The following PUS7 variants were observed in gnomAD, a reference collection of about 807,000 sequenced individuals.
The protein encoded by PUS7 is pseudouridine synthase 7, also known as pseudouridylate synthase 7 homolog.
PUS7 carries 48 observed loss-of-function variants against 79.8 expected under a neutral mutation model. That is an observed-to-expected ratio of 0.60 (90% CI 0.48 to 0.76). The LOEUF (loss-of-function observed/expected upper bound fraction) is 0.76. Ranked by LOEUF, PUS7 falls within the 30% of genes least tolerant of loss-of-function variation. The pLI is 0.00. For missense variants in PUS7, 729 were observed against 797.6 expected, an observed-to-expected ratio of 0.91 and a Z score of 1.04; for synonymous variants, 286 against 272.2, an observed-to-expected ratio of 1.05 and a Z score of -0.50.
intron 1 of PUS7, among the ~76,000 whole-genome samples, chr7:105,512,697 G>A (rs973486010): frequency 6.6e-6 from 1 of 152,204 alleles, no homozygotes; most frequent in African/African-American, 2.4e-5. Flanking sequence ...GAGGCTACAA[G>A]GAGGGAGTCA....
At chr7:105,500,113 C>T (rs922082698) in intron 5 of PUS7, among the ~76,000 whole-genome samples, 11 of 152,130 alleles carry the variant, frequency 7.2e-5, no homozygotes, top group Non-Finnish European at 1.6e-4. Flanking sequence ...GTCACAACAC[C>T]ACAAGCCCAA....
chr7:105,475,437 G>A (rs1475717884), intron 9 of PUS7, among the ~76,000 whole-genome samples: 1 of 151,838 alleles, frequency 6.6e-6, no homozygotes, highest in Non-Finnish European at 1.5e-5. Context: ...TGCCCCCCTT[G>A]GCCTCCTGGA....
At chr7:105,496,126 C>T (rs530242638) in intron 5 of PUS7, among the ~76,000 whole-genome samples, 1 of 149,850 alleles carries the variant, frequency 6.7e-6, no homozygotes, top group African/African-American at 2.5e-5. Flanking sequence ...CCATTGCATT[C>T]CAGCCTGGGC....
At chr7:105,485,941 T>C (rs568029150) in intron 7 of PUS7, among the ~76,000 whole-genome samples, 25 of 152,054 alleles carry the variant, frequency 1.6e-4, no homozygotes, top group Admixed American at 1.2e-3. Flanking sequence ...ACTACCGGCA[T>C]GCACCACCAT....
chr7:105,517,305 C>A (rs1468722434), intron 1 of PUS7, among the ~76,000 whole-genome samples: 1 of 152,068 alleles, frequency 6.6e-6, no homozygotes, highest in African/African-American at 2.4e-5. Context: ...TACATACAGG[C>A]ATGCGCCAAC....
At chr7:105,472,039 C>T (rs974657669) in intron 10 of PUS7, 93 bp downstream of exon 10, 28 of 737,024 alleles carry the variant, frequency 3.8e-5, no homozygotes, top group Non-Finnish European at 5.7e-5. Flanking sequence ...GAAACAACAA[C>T]GTCAATTTGC....
chr7:105,482,446 A>T lies in PUS7; in HGVS notation c.921-6T>A, dbSNP rs1249248352. The stretch of plus-strand genomic sequence containing the variant: ...CAAGTCTTTGTGCAGTTATTCTTTA[A>T]AAAAAAAAAAAAAAGCAACAAAACA... On this transcript the variant is annotated splice_region_variant and splice_polypyrimidine_tract_variant and intron_variant, in intron 7 of 15. Transcript: ENST00000469408. The T allele has an allele frequency of 2.8e-5, 18 of 652,148 alleles. No individual in the cohort carries two copies. Among genetic ancestry groups the T allele is most frequent in the South Asian group, 7.7e-5 (2 of 25,958 alleles). 40.4% of individuals were successfully genotyped at this position (652,148 alleles called of 1,614,324 possible).
intron 9 of PUS7, among the ~76,000 whole-genome samples, chr7:105,474,939 G>A (rs1176793391): frequency 6.6e-6 from 1 of 152,216 alleles, no homozygotes; most frequent in Non-Finnish European, 1.5e-5. Context: ...TGTAACTCCA[G>A]AGCTCAGTAC....
chr7:105,507,190 C>T (rs988096959), intron 2 of PUS7, among the ~76,000 whole-genome samples: 5 of 151,264 alleles, frequency 3.3e-5, no homozygotes, highest in Admixed American at 6.6e-5. Flanking sequence ...GGATTACAGG[C>T]GCGTGCCACT....
chr7:105,496,218 T>TAGAGAGAGAGAGAGAG (rs1309951962), intron 5 of PUS7, among the ~76,000 whole-genome samples: 6 of 81,838 alleles, frequency 7.3e-5, no homozygotes, highest in East Asian at 3.8e-4. Context: ...TATATATATA[T>TAGAGAGAGAGAGAGAG]ATATATATAG....
chr7:105,495,673 G>C (rs1225576505), intron 5 of PUS7, among the ~76,000 whole-genome samples: 5 of 152,032 alleles, frequency 3.3e-5, no homozygotes, highest in African/African-American at 9.7e-5. Context: ...TGAACATGTA[G>C]GGTGGAGGTT....
At position 105,522,254 on chromosome 7, in the gene PUS7, A is replaced by C. The variant is rs1170222839; in HGVS notation, c.-235T>G. On this transcript the variant is annotated 5_prime_UTR_variant, in exon 1 of 16. Coordinates refer to ENST00000469408, the MANE Select transcript of PUS7 (RefSeq NM_019042.5). ...GGGCTCGCACACGTGCGGCGCAGCG[A>C]CGCGCCGCGGCCCGACTGGACCCGC... is the stretch of plus-strand genomic sequence containing the variant. 6.6e-6 allele frequency: 1 copy of C among 151,644 alleles called. No homozygotes were observed. The highest frequency in any genetic ancestry group is 1.5e-5 in the Non-Finnish European group (1 of 67,868). The allele number at this position is 151,644 out of a possible 1,614,324, so 9.4% of individuals were successfully genotyped here.
chr7:105,513,710 T>C (rs1311653895), intron 1 of PUS7, among the ~76,000 whole-genome samples: 4 of 145,052 alleles, frequency 2.8e-5, no homozygotes, highest in African/African-American at 5.1e-5. Context: ...TGGTGGCAGG[T>C]GCCTGTAGTC....
chr7:105,497,365 C>CT (rs971054462), intron 5 of PUS7, among the ~76,000 whole-genome samples: 4 of 151,972 alleles, frequency 2.6e-5, no homozygotes, highest in Non-Finnish European at 5.9e-5. Flanking sequence ...TTGTGATTAT[C>CT]TTTTTTTTGA....
At chr7:105,459,790 G>C (rs552270415) in intron 14 of PUS7, among the ~76,000 whole-genome samples, 1 of 152,088 alleles carries the variant, frequency 6.6e-6, no homozygotes, top group African/African-American at 2.4e-5. Context: ...TGCACAACTG[G>C]GGCCAGGCAT....
chr7:105,508,376 C>T lies in PUS7; in HGVS notation c.137G>A (p.Gly46Glu). ...GATGGACAGAAAGTCATTCTGTAGC[C>T]CATCTTGACCTTTGGTTAGACTGCA... ...SECSLTKGQD[G>E]LQNDFLSISE... Residue 46 changes from glycine to glutamate, a missense_variant, in exon 2 of 16, where the codon GGG becomes GAG. Coordinates refer to ENST00000469408, the MANE Select transcript of PUS7 (RefSeq NM_019042.5). 6.2e-7 allele frequency: 1 copy of T among 1,614,084 alleles called. No homozygotes were observed. Among genetic ancestry groups the T allele is most frequent in the Non-Finnish European group, 8.5e-7 (1 of 1,180,026 alleles).
intron 9 of PUS7, among the ~76,000 whole-genome samples, chr7:105,472,627 C>CA (rs1247699824): frequency 4.0e-5 from 6 of 151,678 alleles, no homozygotes; most frequent in Non-Finnish European, 7.4e-5. Context: ...AAAGAACTTT[C>CA]AAAAAAAGAA....
chr7:105,464,170 T>A (rs891406317), intron 13 of PUS7, among the ~76,000 whole-genome samples: 1 of 152,236 alleles, frequency 6.6e-6, no homozygotes, highest in Admixed American at 6.5e-5. Context: ...AAGTTCCTGA[T>A]CCCAAAAGGT....
At chr7:105,510,648 G>C (rs1288445112) in intron 1 of PUS7, among the ~76,000 whole-genome samples, 2 of 151,964 alleles carry the variant, frequency 1.3e-5, no homozygotes, top group African/African-American at 4.8e-5. Context: ...CGGGTGGCTG[G>C]GATCACAGGC....
Sources: allele counts gnomAD v4.1 joint callset (sites outside exome capture counted in the v4.1 genomes callset), GRCh38; gene constraint gnomAD v4.1.1; transcripts MANE v1.5; gene names NCBI Gene and HGNC (gene_info 2026-07-23, HGNC 2026-07-21).